MYO7B: variants seen among roughly 807,000 people sequenced by gnomAD.
MYO7B encodes myosin VIIB.
In MYO7B, 212 loss-of-function variants were observed where a neutral mutation model predicts 259.7. That is an observed-to-expected ratio of 0.82 (90% confidence interval 0.73 to 0.91). The LOEUF is 0.91. Among genes scored for constraint, MYO7B ranks in the 40% least tolerant of loss-of-function variants. The pLI, the probability that MYO7B is intolerant of heterozygous loss-of-function variation, is 0.00. For missense variants in MYO7B, 2,732 were observed against 2,813.5 expected (o/e 0.97, Z 0.66); for synonymous variants, 1,197 against 1,166.4 (o/e 1.03, Z -0.54).
At chr2:127,623,630 T>TC (rs1680956517) in intron 29 of MYO7B, among the ~76,000 whole-genome samples, 1 of 151,834 alleles carries the variant, frequency 6.6e-6, no homozygotes, top group African/African-American at 2.4e-5. Context: ...GCACACCTGG[T>TC]CCCCCACCCA....
chr2:127,631,881 C>A, intron 38 of MYO7B, 128 bp downstream of exon 38: 1 of 1,271,248 alleles, frequency 7.9e-7, no homozygotes, highest in Non-Finnish European at 1.1e-6. Flanking sequence ...GCTCCTGCCT[C>A]AGCAGTGGGA....
Position 127,603,859 on chromosome 2 carries a change from T to C in MYO7B, c.2340-1985T>C, listed in dbSNP as rs1042773681. ...CTACATTGAAAATCTGTTGGCCAGG[T>C]GTGGTGGCTCATGCCTGTAATCCCA... On this transcript the variant is annotated intron_variant, in intron 19 of 47. Transcript: ENST00000409816. 7.2e-5 allele frequency among the ~76,000 whole-genome samples: 11 copies of C among 152,274 alleles called. No individual in the cohort carries two copies. The East Asian group carries it at 2.1e-3, about 29-fold the overall frequency.
rs549093493 is a variant in MYO7B, at chr2:127,580,046, A to C, written c.1004-700A>C. Among the ~76,000 whole-genome samples the C allele has an allele frequency of 2.6e-3, 391 of 152,342 alleles. 2 individuals are homozygous for C. The highest frequency in any genetic ancestry group is 9.0e-3 in the African/African-American group (373 of 41,568). ...ACCTCGGAGGGCTGTGGGTGCTGGC[A>C]GATCCTAGATTTGGCTTTAGCGTGG... On this transcript the variant is annotated intron_variant, in intron 9 of 47. Coordinates refer to ENST00000409816, the MANE Select transcript of MYO7B (RefSeq NM_001393586.1).
In MYO7B at chr2:127,576,253, G is replaced by C. The variant is rs887973773; in HGVS notation, c.736-342G>C. Among the ~76,000 whole-genome samples, 2 of 151,894 alleles carry C rather than the reference G, an allele frequency of 1.3e-5. No individual in the cohort carries two copies. The highest frequency in any genetic ancestry group is 3.9e-4 in the East Asian group (2 of 5,184). On this transcript the variant is annotated intron_variant, in intron 7 of 47. Transcript: ENST00000409816. The surrounding 1 kb of genome is among the most constrained non-coding windows in gnomAD (Gnocchi z 4.9). ...GAGCCCCGTGGCTGTCAGATCTCTC[G>C]TGGGCCACTAAGTGCCTGTGAAGAC... is the stretch of plus-strand genomic sequence containing the variant.
chr2:127,568,078 A>G (rs543731130), intron 5 of MYO7B, among the ~76,000 whole-genome samples: 3 of 152,362 alleles, frequency 2.0e-5, no homozygotes, highest in Admixed American at 6.5e-5. Flanking sequence ...AGAGACCTAC[A>G]ATCAGAGGGG....
chr2:127,573,732 G>C (rs1312628711), intron 6 of MYO7B, among the ~76,000 whole-genome samples, 188 bp from the exon 7 acceptor site: 2 of 152,158 alleles, frequency 1.3e-5, no homozygotes, highest in Admixed American at 1.3e-4. Context: ...TCTGACCTCC[G>C]AGGTTTTCCC....
rs754223763 is a variant in MYO7B, at chr2:127,582,391, C to T, written c.1288C>T (p.Arg430Trp). Residue 430 changes from arginine to tryptophan, a missense_variant, in exon 12 of 48, where the codon CGG (arginine) becomes TGG (tryptophan). Coordinates refer to ENST00000409816, the MANE Select transcript of MYO7B (RefSeq NM_001393586.1). ...ACCAGCCCAGGACCCCAAAAATGTGCGGAGGGCCATCGGCCTCCTGGACAT... is the reference window on the plus strand; with the variant it reads ...ACCAGCCCAGGACCCCAAAAATGTGTGGAGGGCCATCGGCCTCCTGGACAT... ...TPPAQDPKNV[R>W]RAIGLLDIFG... 85 of 1,613,204 alleles carry T rather than the reference C, an allele frequency of 5.3e-5. No individual in the cohort carries two copies. Among genetic ancestry groups the T allele is most frequent in the Non-Finnish European group, 6.3e-5 (74 of 1,179,668 alleles).
intron 24 of MYO7B, 114 bp downstream of exon 24, chr2:127,610,130 T>G: frequency 7.1e-7 from 1 of 1,403,580 alleles, no homozygotes; most frequent in Non-Finnish European, 9.6e-7. Flanking sequence ...AGCCCTGTCC[T>G]CAGCCTTACC....
chr2:127,573,599 C>T (rs1209888359), intron 6 of MYO7B, among the ~76,000 whole-genome samples: 1 of 152,212 alleles, frequency 6.6e-6, no homozygotes, highest in Non-Finnish European at 1.5e-5. Flanking sequence ...CTGAGCCCGG[C>T]ATTTAAGGCT....
At chr2:127,591,067 T>C (rs1339582912) in intron 16 of MYO7B, among the ~76,000 whole-genome samples, 4 of 152,172 alleles carry the variant, frequency 2.6e-5, no homozygotes, top group African/African-American at 7.2e-5. Flanking sequence ...TATGTGCCTG[T>C]AGTCTCAGCT....
chr2:127,580,827 G>C lies in MYO7B; in HGVS notation c.1080+5G>C, dbSNP rs369266812. The stretch of plus-strand genomic sequence containing the variant: ...ACCGTGATGAAGTTACTGGAGGTAG[G>C]GGTGCTGTGCCCACAGCTTCCATTT... On this transcript the variant is annotated splice_donor_5th_base_variant and intron_variant, in intron 10 of 47. Transcript: ENST00000409816. 4.3e-6 allele frequency: 7 copies of C among 1,611,696 alleles called. No homozygotes were observed. Among genetic ancestry groups the C allele is most frequent in the African/African-American group, 4.0e-5 (3 of 74,884 alleles).
In MYO7B at chr2:127,582,334, G is replaced by T. The variant is rs759570678; in HGVS notation, c.1231G>T (p.Val411Phe). The T allele has an allele frequency of 3.7e-6, 6 of 1,613,242 alleles. No individual in the cohort carries two copies. In the East Asian group the frequency reaches 6.7e-5, roughly 18 times the overall value. ...GIYGHLFLWI[V>F]KKINAAIFTP... ...CTATGGGCACCTCTTCCTGTGGATT[G>T]TCAAGAAGATCAATGCCGCCATCTT... is the stretch of plus-strand genomic sequence containing the variant. Residue 411 changes from valine (V) to phenylalanine (F), a missense_variant, in exon 12 of 48, where the codon GTC becomes TTC. This residue lies in a region of MYO7B where 1,906 missense variants were observed against 2,026.4 expected (regional missense o/e 0.94). Coordinates refer to ENST00000409816, the MANE Select transcript of MYO7B (RefSeq NM_001393586.1).
At position 127,559,942 on chromosome 2, in the gene MYO7B, G is replaced by A. The variant is rs1401410935; in HGVS notation, c.18+202G>A. 6.6e-6 allele frequency among the ~76,000 whole-genome samples: 1 copy of A among 152,098 alleles called. No homozygotes were observed. The highest frequency in any genetic ancestry group is 1.5e-5 in the Non-Finnish European group (1 of 67,994). On this transcript the variant is annotated intron_variant, in intron 2 of 47. Coordinates refer to ENST00000409816, the MANE Select transcript of MYO7B (RefSeq NM_001393586.1). The surrounding 1 kb of genome is among the most constrained non-coding windows in gnomAD (Gnocchi z 4.1). The stretch of plus-strand genomic sequence containing the variant: ...CACTGGCCTCGGCAATACATGTATA[G>A]TTATGTATAGTTATCCCTCACTTTC...
intron 15 of MYO7B, 35 bp downstream of exon 15, chr2:127,588,590 CCT>C (rs1679395825): frequency 8.7e-6 from 14 of 1,610,764 alleles, no homozygotes; most frequent in Middle Eastern, 1.7e-4. Context: ...GTCTGTCACC[CCT>C]GATGGCTACA....
intron 4 of MYO7B, 84 bp downstream of exon 4, chr2:127,565,469 G>A: frequency 3.9e-6 from 6 of 1,544,338 alleles, no homozygotes; most frequent in South Asian, 2.4e-5. Flanking sequence ...TGATGCACAG[G>A]GGGCACTGCC....
intron 19 of MYO7B, among the ~76,000 whole-genome samples, chr2:127,600,051 G>A (rs776176870): frequency 7.2e-5 from 11 of 152,114 alleles, no homozygotes; most frequent in Non-Finnish European, 1.5e-4. Flanking sequence ...CTGTTTTCTG[G>A]AAGAAATTGT....
chr2:127,631,273 G>A lies in MYO7B; in HGVS notation c.5005G>A (p.Ala1669Thr), dbSNP rs763252653. The A allele has an allele frequency of 1.9e-6, 3 of 1,612,050 alleles. No individual in the cohort carries two copies. The highest frequency in any genetic ancestry group is 2.5e-6 in the Non-Finnish European group (3 of 1,179,410). Residue 1669 changes from alanine (A) to threonine (T), a missense_variant, in exon 37 of 48, where the codon GCC (alanine) becomes ACC (threonine). Transcript: ENST00000409816. ...PLARARGHLW[A>T]YSCEPLRQPL... is the part of the protein sequence containing the mutation. Reference sequence around the variant, plus strand: ...GGCCCGTGCCCGTGGCCACCTGTGGGCCTATTCCTGCGAGCCGCTGCGACA... The same window carrying A: ...GGCCCGTGCCCGTGGCCACCTGTGGACCTATTCCTGCGAGCCGCTGCGACA...
intron 1 of MYO7B, among the ~76,000 whole-genome samples, chr2:127,537,236 T>A (rs1692818342): frequency 6.6e-6 from 1 of 152,164 alleles, no homozygotes; most frequent in Non-Finnish European, 1.5e-5. Flanking sequence ...CTGAGGGAAC[T>A]TCCTTATCAT....
rs375691045 is a variant in MYO7B, at chr2:127,626,978, C to T, written c.4219C>T (p.Pro1407Ser). The T allele has an allele frequency of 1.2e-5, 19 of 1,610,428 alleles. No homozygotes were observed. The highest frequency in any genetic ancestry group is 2.2e-5 in the South Asian group (2 of 90,452). ...GACATCCAGGATCCCCCCTCAGGCC[C>T]CATACACTCAGAAGCAAGTCACACC... ...SLVTAACAKA[P>S]YTQKQVTPLA... Residue 1407 changes from proline (P) to serine (S), a missense_variant, in exon 32 of 48, where the codon CCA becomes TCA. Physicochemically the swap from Pro to Ser is moderately conservative, Grantham distance 74. This residue lies in a region of MYO7B where 1,906 missense variants were observed against 2,026.4 expected (regional missense o/e 0.94). Coordinates refer to ENST00000409816, the MANE Select transcript of MYO7B (RefSeq NM_001393586.1).
Sources: gnomAD v4.1 joint callset for allele counts (sites outside exome capture counted in the v4.1 genomes callset) on GRCh38, gnomAD v4.1.1 for gene constraint, gnomAD v4.1.1 regional missense constraint, Gnocchi (gnomAD v3.1) non-coding constraint, MANE v1.5 for transcripts, NCBI Gene and HGNC (gene_info 2026-07-23, HGNC 2026-07-21) for gene names.